NLGN4Y: variants seen among roughly 807,000 people sequenced by gnomAD.
NLGN4Y encodes neuroligin 4 Y-linked.
A neutral mutation model predicts 8.4 loss-of-function variants in NLGN4Y; 4 were observed. That is an observed-to-expected ratio of 0.48 (90% CI 0.23 to 1.09). NLGN4Y has a LOEUF of 1.09. Ranked by LOEUF, NLGN4Y falls within the 50% of genes least tolerant of loss-of-function variation. The pLI, the probability that NLGN4Y is intolerant of heterozygous loss-of-function variation, is 0.19. For missense variants in NLGN4Y, 90 were observed against 192.3 expected, an observed-to-expected ratio of 0.47 and a Z score of 3.15; for synonymous variants, 35 against 75.6, an observed-to-expected ratio of 0.46 and a Z score of 2.78.
chrY:14,756,842 A>G (rs2081060252), intron 4 of NLGN4Y, among the ~76,000 whole-genome samples: 1 of 16,243 alleles, frequency 6.2e-5, no homozygotes, highest in Non-Finnish European at 1.3e-4. Flanking sequence ...ATACACACAT[A>G]TATGTGTGTA....
Position 14,841,310 on chromosome Y carries a change from T to C in NLGN4Y, c.*48T>C. 2.6e-6 allele frequency: 1 copy of C among 381,504 alleles called. No homozygotes were observed. Among genetic ancestry groups the C allele is most frequent in the Non-Finnish European group, 3.7e-6 (1 of 269,399 alleles). On this transcript the variant is annotated 3_prime_UTR_variant, in exon 7 of 7. Coordinates refer to ENST00000684976, the MANE Select transcript of NLGN4Y (RefSeq NM_001365588.1). ...TCCCTCTGCCCCTACTGCTCAGCAA[T>C]GTAAAAGAGACAAATAAGGAGAAAG...
intron 6 of NLGN4Y, among the ~76,000 whole-genome samples, chrY:14,832,827 G>A: frequency 3.0e-5 from 1 of 33,776 alleles, no homozygotes; most frequent in South Asian, 6.6e-4. Context: ...CGGCAGCGGG[G>A]CGAAATTAAA....
chrY:14,570,269 G>A, intron 1 of NLGN4Y, among the ~76,000 whole-genome samples: 1 of 33,838 alleles, frequency 3.0e-5, no homozygotes, highest in Non-Finnish European at 7.4e-5. Flanking sequence ...ATCTTTTATG[G>A]CTGCTTTGAT....
intron 1 of NLGN4Y, among the ~76,000 whole-genome samples, chrY:14,564,139 C>T (rs1013074547): frequency 3.0e-5 from 1 of 33,320 alleles, no homozygotes; most frequent in Non-Finnish European, 7.4e-5. Context: ...GATAGGGTGT[C>T]AGTTTTATAT....
chrY:14,683,725 T>C, intron 2 of NLGN4Y, among the ~76,000 whole-genome samples: 1 of 33,600 alleles, frequency 3.0e-5, no homozygotes, highest in Non-Finnish European at 7.4e-5. Flanking sequence ...GTAAAATGTG[T>C]CCTTTCACGA....
chrY:14,808,647 G>C, intron 4 of NLGN4Y, among the ~76,000 whole-genome samples: 1 of 33,999 alleles, frequency 2.9e-5, no homozygotes, highest in East Asian at 7.9e-4. Context: ...GAAAGACTTG[G>C]CCAGGTCCTA....
chrY:14,583,830 T>G (rs759185506), intron 1 of NLGN4Y, among the ~76,000 whole-genome samples: 3 of 34,397 alleles, frequency 8.7e-5, no homozygotes, highest in Admixed American at 2.6e-4. Flanking sequence ...AGAAGGACCA[T>G]GCGTTCAGTT....
intron 1 of NLGN4Y, among the ~76,000 whole-genome samples, chrY:14,608,002 T>C (rs2080453254): frequency 2.9e-5 from 1 of 34,479 alleles, no homozygotes. Context: ...GTATGTTTGT[T>C]GACTGCACAA....
intron 2 of NLGN4Y, among the ~76,000 whole-genome samples, chrY:14,702,238 T>G: frequency 3.1e-5 from 1 of 32,514 alleles, no homozygotes; most frequent in African/African-American, 1.2e-4. Context: ...TGTATACATG[T>G]GCCATGTTGG....
intron 2 of NLGN4Y, among the ~76,000 whole-genome samples, chrY:14,652,520 G>T: frequency 3.1e-5 from 1 of 32,580 alleles, no homozygotes; most frequent in Admixed American, 2.8e-4. Context: ...GATTTACTTG[G>T]TGTTTTAAAA....
chrY:14,832,818 G>A (rs2043184365), intron 6 of NLGN4Y, among the ~76,000 whole-genome samples: 2 of 33,891 alleles, frequency 5.9e-5, no homozygotes, highest in Non-Finnish European at 1.5e-4. Context: ...ACAGGACCAC[G>A]GCAGCGGGGC....
chrY:14,669,329 A>G (rs2080702652), intron 2 of NLGN4Y, among the ~76,000 whole-genome samples: 1 of 33,535 alleles, frequency 3.0e-5, no homozygotes, highest in South Asian at 6.7e-4. Context: ...ACTGAAGGCA[A>G]ACCTTGAAAT....
At chrY:14,556,419 A>G in intron 1 of NLGN4Y, among the ~76,000 whole-genome samples, 1 of 32,450 alleles carries the variant, frequency 3.1e-5, no homozygotes, top group East Asian at 8.3e-4. Flanking sequence ...CAACCACTCT[A>G]CCCCATAGTA....
chrY:14,782,162 G>T (rs2042945844), intron 4 of NLGN4Y, among the ~76,000 whole-genome samples: 1 of 33,363 alleles, frequency 3.0e-5, no homozygotes, highest in Non-Finnish European at 7.4e-5. Flanking sequence ...ACTACATATA[G>T]TGTAGTGTGC....
intron 4 of NLGN4Y, among the ~76,000 whole-genome samples, chrY:14,757,949 G>A (rs2150569154): frequency 2.9e-4 from 10 of 34,267 alleles, no homozygotes; most frequent in African/African-American, 6.8e-4. Context: ...AAGGGTATAC[G>A]ATATCCTTTT....
intron 2 of NLGN4Y, among the ~76,000 whole-genome samples, chrY:14,665,440 G>T: frequency 9.0e-5 from 3 of 33,195 alleles, no homozygotes; most frequent in Admixed American, 2.8e-4. Context: ...TGCCAAGGTT[G>T]AGAAACTCTT....
At chrY:14,566,336 G>A in intron 1 of NLGN4Y, among the ~76,000 whole-genome samples, 1 of 32,744 alleles carries the variant, frequency 3.1e-5, no homozygotes, top group East Asian at 8.0e-4. Flanking sequence ...GATCTACCAA[G>A]CAAATGGAAA....
intron 4 of NLGN4Y, among the ~76,000 whole-genome samples, chrY:14,766,182 T>C: frequency 6.0e-5 from 2 of 33,478 alleles, no homozygotes; most frequent in East Asian, 7.7e-4. Context: ...GGAATGACAA[T>C]AGATTTCTTT....
intron 1 of NLGN4Y, among the ~76,000 whole-genome samples, chrY:14,557,388 C>T: frequency 3.0e-5 from 1 of 33,233 alleles, no homozygotes. Context: ...ACGCAACCTC[C>T]CTGTGAGATC....
Sources: gnomAD v4.1 joint callset for allele counts (sites outside exome capture counted in the v4.1 genomes callset) on GRCh38, gnomAD v4.1.1 for gene constraint, MANE v1.5 for transcripts, NCBI Gene and HGNC (gene_info 2026-07-23, HGNC 2026-07-21) for gene names.